The following SI variants were observed in gnomAD, a reference collection of about 807,000 sequenced individuals.
The protein encoded by SI is sucrase-isomaltase, intestinal.
In SI, 235 loss-of-function variants were observed where a neutral mutation model predicts 253.3. That is an observed-to-expected ratio of 0.93 (90% CI 0.83 to 1.03). SI has a LOEUF of 1.03. Among genes scored for constraint, SI ranks in the 50% least tolerant of loss-of-function variants. SI has a pLI of 0.00. For synonymous variants in SI, 819 were observed against 712.0 expected, an observed-to-expected ratio of 1.15 and a Z score of -2.39; for missense variants, 2,442 against 2,211.1, an observed-to-expected ratio of 1.10 and a Z score of -2.09.
At chr3:165,002,555 G>A (rs1461640381) in intron 37 of SI, among the ~76,000 whole-genome samples, 2 of 151,650 alleles carry the variant, frequency 1.3e-5, no homozygotes, top group African/African-American at 4.8e-5. Context: ...AAAACAAAAT[G>A]CTATGGTCTG....
chr3:165,001,980 C>T (rs1284626745), intron 37 of SI, among the ~76,000 whole-genome samples: 1 of 151,434 alleles, frequency 6.6e-6, no homozygotes, highest in Non-Finnish European at 1.5e-5. Flanking sequence ...TTTTTCCATT[C>T]CATTTTATGA....
intron 28 of SI, among the ~76,000 whole-genome samples, chr3:165,018,815 C>A (rs533961529): frequency 2.0e-5 from 3 of 151,574 alleles, no homozygotes; most frequent in Admixed American, 6.6e-5. Flanking sequence ...AAAATGTATT[C>A]TTTCAAGTTA....
chr3:165,021,058 C>A (rs979210410), intron 27 of SI, among the ~76,000 whole-genome samples, 171 bp downstream of exon 27: 3 of 151,542 alleles, frequency 2.0e-5, no homozygotes, highest in Admixed American at 1.3e-4. Flanking sequence ...TTAAAATAGT[C>A]CCATGGACTA....
chr3:165,059,795 T>C (rs1713898204), intron 10 of SI, 107 bp downstream of exon 10: 8 of 1,140,018 alleles, frequency 7.0e-6, no homozygotes, highest in African/African-American at 1.5e-5. Flanking sequence ...CTCTTAATTA[T>C]ATGATATAAT....
chr3:164,981,072 T>G lies in SI; in HGVS notation c.5415+1171A>C, dbSNP rs546597092. Among the ~76,000 whole-genome samples the G allele has an allele frequency of 5.3e-5, 8 of 152,172 alleles. No individual in the cohort carries two copies. The East Asian group carries it at 1.4e-3, about 26-fold the overall frequency. Reference sequence around the variant, plus strand: ...CTGGACTAGATCAGGTATTCTGGAATTTTATAAATCAGTCAAATTATAAAA... The same window carrying G: ...CTGGACTAGATCAGGTATTCTGGAAGTTTATAAATCAGTCAAATTATAAAA... On this transcript the variant is annotated intron_variant, in intron 47 of 47. Transcript: ENST00000264382.
chr3:165,025,994 A>G (rs1402721077), intron 25 of SI, among the ~76,000 whole-genome samples: 1 of 151,398 alleles, frequency 6.6e-6, no homozygotes, highest in East Asian at 1.9e-4. Context: ...CAATACTGAC[A>G]TTGAAAGTAA....
chr3:165,090,198 C>T, the SI span, among the ~76,000 whole-genome samples: 1 of 151,304 alleles, frequency 6.6e-6, no homozygotes, highest in Admixed American at 6.6e-5. Context: ...CGCATTGTCT[C>T]TGCCAGGTGA....
intron 45 of SI, among the ~76,000 whole-genome samples, chr3:164,984,257 T>C (rs1372038825): frequency 1.3e-5 from 2 of 152,124 alleles, no homozygotes; most frequent in African/African-American, 4.8e-5. Context: ...TTTTATTCTC[T>C]TATCTACTTA....
intron 26 of SI, among the ~76,000 whole-genome samples, chr3:165,021,595 A>C (rs1711623660): frequency 6.6e-6 from 1 of 151,618 alleles, no homozygotes; most frequent in African/African-American, 2.4e-5. Flanking sequence ...GCATTTTTGA[A>C]CCTTTAAAAA....
rs1371441413 is a variant in SI, at chr3:165,017,867, G to A, written c.3527C>T (p.Thr1176Ile). ...AGTTAGAGCAGGAGTTGGCTGGAAT[G>A]TAACATCTGGAAATCCAAAATAACA... ...FLLNSNAMDV[T>I]FQPTPALTYR... Residue 1176 changes from threonine (T) to isoleucine (I), a missense_variant, in exon 30 of 48, where the codon ACA becomes ATA. Thr to Ile is a moderately conservative substitution (Grantham distance 89). Coordinates refer to ENST00000264382, the MANE Select transcript of SI (RefSeq NM_001041.4). 1.9e-6 allele frequency: 3 copies of A among 1,610,884 alleles called. No homozygotes were observed. The highest frequency in any genetic ancestry group is 2.5e-6 in the Non-Finnish European group (3 of 1,177,562).
chr3:165,047,617 T>C lies in SI; in HGVS notation c.1716-605A>G, dbSNP rs1713192653. Among the ~76,000 whole-genome samples the C allele has an allele frequency of 3.9e-5, 6 of 152,186 alleles. No individual in the cohort carries two copies. In the South Asian group the frequency reaches 1.2e-3, roughly 32 times the overall value. On this transcript the variant is annotated intron_variant, in intron 15 of 47. Transcript: ENST00000264382. ...ATCACTAAATTTTGAATGACTCCAA[T>C]CATCCTTTATCAAATTACATAAACA... is the stretch of plus-strand genomic sequence containing the variant.
chr3:165,018,478 G>A lies in SI; in HGVS notation c.3424-412C>T, dbSNP rs535154989. ...ATTTTTTCCATAGTAAAATGTCCTA[G>A]AAATGATAAAAGTGATGAATACAAT... On this transcript the variant is annotated intron_variant, in intron 28 of 47. Transcript: ENST00000264382. Among the ~76,000 whole-genome samples, 133 of 150,502 alleles carry A rather than the reference G, an allele frequency of 8.8e-4. 1 individual carries two copies. In the South Asian group the frequency reaches 0.027, roughly 31 times the overall value.
chr3:165,076,018 A>T lies in SI; in HGVS notation c.1-6T>A. On this transcript the variant is annotated splice_region_variant and splice_polypyrimidine_tract_variant and intron_variant, in intron 1 of 47. Transcript: ENST00000264382. ...CTAAATTTCTTTCTTGCCATCTAAA[A>T]ACAGAAAAGAATATATATTTAAAAT... is the stretch of plus-strand genomic sequence containing the variant. The T allele has an allele frequency of 6.5e-7, 1 of 1,535,142 alleles. No homozygotes were observed. The highest frequency in any genetic ancestry group is 9.0e-7 in the Non-Finnish European group (1 of 1,115,254).
chr3:165,068,519 G>A (rs560313185), intron 5 of SI, among the ~76,000 whole-genome samples: 2 of 152,130 alleles, frequency 1.3e-5, no homozygotes, highest in East Asian at 1.9e-4. Context: ...GATTACAGGC[G>A]CCCGCCACCA....
intron 9 of SI, 121 bp from the exon 10 acceptor site, chr3:165,060,148 T>C: frequency 1.2e-6 from 1 of 866,412 alleles, no homozygotes; most frequent in Non-Finnish European, 1.8e-6. Flanking sequence ...TTTATATAAT[T>C]TAAACAAACC....
At chr3:165,013,349 A>G (rs1718860646) in intron 33 of SI, among the ~76,000 whole-genome samples, 2 of 152,142 alleles carry the variant, frequency 1.3e-5, no homozygotes, top group East Asian at 3.8e-4. Context: ...TGAAAAATAT[A>G]AGTTAAATTT....
In SI at chr3:164,982,275, A is replaced by C; in HGVS notation, c.5383T>G (p.Ser1795Ala). 6.2e-7 allele frequency: 1 copy of C among 1,612,986 alleles called. No individual in the cohort carries two copies. Among genetic ancestry groups the C allele is most frequent in the East Asian group, 2.2e-5 (1 of 44,746 alleles). ...VTLTYNGNKN[S>A]LPFNEDTTNM... ...GTAGTGTCTTCATTAAAAGGAAGCG[A>C]ATTTTTATTTCCGTTATACGTTAGA... Residue 1795 changes from serine (S) to alanine (A), a missense_variant, in exon 47 of 48, where the codon TCG becomes GCG. Transcript: ENST00000264382.
intron 3 of SI, 42 bp downstream of exon 3, chr3:165,074,489 T>G: frequency 1.6e-6 from 2 of 1,284,328 alleles, no homozygotes; most frequent in Non-Finnish European, 1.1e-6. Flanking sequence ...AATATAATAA[T>G]GTATATATTC....
intron 6 of SI, among the ~76,000 whole-genome samples, chr3:165,066,162 T>C (rs9756012): frequency 0.58 from 88,524 of 151,610 alleles, 26,219 homozygotes; most frequent in East Asian, 0.81. Flanking sequence ...TTACATATAA[T>C]TTACATTGTA....
Sources: gnomAD v4.1 joint callset for allele counts (sites outside exome capture counted in the v4.1 genomes callset) on GRCh38, gnomAD v4.1.1 for gene constraint, MANE v1.5 for transcripts, NCBI Gene and HGNC (gene_info 2026-07-23, HGNC 2026-07-21) for gene names.